The following HIPK2 variants were observed in gnomAD, a reference collection of about 807,000 sequenced individuals.
HIPK2 encodes the protein homeodomain interacting protein kinase 2, also known as homeodomain-interacting protein kinase 2.
In HIPK2, 27 loss-of-function variants were observed where a neutral mutation model predicts 113.7. The observed-to-expected ratio is 0.24, with a 90% confidence interval of 0.17 to 0.33. The LOEUF (loss-of-function observed/expected upper bound fraction) is 0.33, where lower values mean the gene tolerates loss of function less well. HIPK2 is among the 10% of genes least tolerant of loss of function. The pLI, the probability that HIPK2 is intolerant of heterozygous loss-of-function variation, is 1.00. For missense variants in HIPK2, 1,257 were observed against 1,588.0 expected, an observed-to-expected ratio of 0.79 and a Z score of 3.54; for synonymous variants, 631 against 642.2, an observed-to-expected ratio of 0.98 and a Z score of 0.26.
chr7:139,666,788 T>C (rs577651047), intron 2 of HIPK2, among the ~76,000 whole-genome samples: 1 of 152,244 alleles, frequency 6.6e-6, no homozygotes, highest in Admixed American at 6.5e-5. Context: ...TCTGGCTGGG[T>C]ACAGTGGCTC....
chr7:139,623,089 C>A (rs12539357), intron 6 of HIPK2, among the ~76,000 whole-genome samples: 25,675 of 152,092 alleles, frequency 0.17, 2,853 homozygotes, highest in African/African-American at 0.32. Context: ...TCAGTCATCC[C>A]ATTTTACCCG....
Position 139,701,500 on chromosome 7 carries a change from G to T in HIPK2, c.1103+14432C>A, listed in dbSNP as rs1478566413. 4.9e-4 allele frequency among the ~76,000 whole-genome samples: 74 copies of T among 151,990 alleles called. 5 individuals are homozygous for T. ...GTGGCAAAGTCATGTCGGAGAGGTG[G>T]TGAGACTTAGCCCAACTCACATAGC... is the stretch of plus-strand genomic sequence containing the variant. On this transcript the variant is annotated intron_variant, in intron 2 of 14. Transcript: ENST00000406875.
At chr7:139,598,833 A>C (rs909555921) in intron 11 of HIPK2, among the ~76,000 whole-genome samples, 1 of 152,242 alleles carries the variant, frequency 6.6e-6, no homozygotes, top group Non-Finnish European at 1.5e-5. Context: ...ATGACAGCCC[A>C]TGAGGATTGA....
intron 10 of HIPK2, among the ~76,000 whole-genome samples, chr7:139,601,938 T>C (rs934955812): frequency 2.0e-5 from 3 of 150,822 alleles, no homozygotes; most frequent in South Asian, 2.1e-4. Flanking sequence ...TAGAAACTCA[T>C]ATTATGGCTT....
At chr7:139,603,601 C>G (rs938712159) in intron 10 of HIPK2, among the ~76,000 whole-genome samples, 2 of 152,140 alleles carry the variant, frequency 1.3e-5, no homozygotes, top group African/African-American at 4.8e-5. Flanking sequence ...CAAATAAACC[C>G]CATTCTGTCA....
chr7:139,724,563 G>A (rs1795512789), intron 1 of HIPK2, among the ~76,000 whole-genome samples: 1 of 151,672 alleles, frequency 6.6e-6, no homozygotes, highest in South Asian at 2.1e-4. Flanking sequence ...TAAGTTTTAG[G>A]GTACATGTGC....
intron 13 of HIPK2, among the ~76,000 whole-genome samples, chr7:139,579,185 A>T (rs1798587254): frequency 6.6e-6 from 1 of 152,216 alleles, no homozygotes; most frequent in Non-Finnish European, 1.5e-5. Flanking sequence ...ACATTTGAGG[A>T]AGGTGCCCAA....
Position 139,562,358 on chromosome 7 carries a change from T to G in HIPK2, c.*10569A>C, listed in dbSNP as rs1251074484. The G allele has an allele frequency of 6.6e-6, 1 of 152,244 alleles. No individual in the cohort carries two copies. The highest frequency in any genetic ancestry group is 1.5e-5 in the Non-Finnish European group (1 of 68,042). The allele number at this position is 152,244 out of a possible 1,614,324, so 9.4% of individuals were successfully genotyped here. ...ACCCTGGGGAGGGAGCCACGTTCCT[T>G]GGACCTGGTGACTTAGTGTCGCCGG... On this transcript the variant is annotated 3_prime_UTR_variant, in exon 15 of 15. Coordinates refer to ENST00000406875, the MANE Select transcript of HIPK2 (RefSeq NM_022740.5).
At chr7:139,592,873 A>C (rs1799074624) in intron 12 of HIPK2, among the ~76,000 whole-genome samples, 2 of 152,264 alleles carry the variant, frequency 1.3e-5, no homozygotes, top group Admixed American at 1.3e-4. Context: ...CCATGACCAG[A>C]GTCCCCTAGT....
chr7:139,591,787 C>T (rs1201312847), intron 12 of HIPK2, among the ~76,000 whole-genome samples: 1 of 152,244 alleles, frequency 6.6e-6, no homozygotes, highest in Non-Finnish European at 1.5e-5. Flanking sequence ...AAAGTTCCTT[C>T]AAATGGCACT....
chr7:139,609,339 G>A (rs932081975), intron 9 of HIPK2, among the ~76,000 whole-genome samples: 1 of 152,132 alleles, frequency 6.6e-6, no homozygotes, highest in African/African-American at 2.4e-5. Context: ...CACATCCTCT[G>A]GGTGCCCCAC....
intron 2 of HIPK2, among the ~76,000 whole-genome samples, chr7:139,682,031 G>A (rs1264150126): frequency 6.6e-6 from 1 of 152,182 alleles, no homozygotes; most frequent in Non-Finnish European, 1.5e-5. Context: ...CTTATGTCAT[G>A]CTGGTACAGA....
intron 2 of HIPK2, among the ~76,000 whole-genome samples, chr7:139,643,771 G>A (rs574563497): frequency 2.6e-4 from 40 of 152,218 alleles, no homozygotes; most frequent in Non-Finnish European, 5.4e-4. Flanking sequence ...AATGAGGAAG[G>A]TTCCTAGAAG....
At chr7:139,701,452 C>T (rs1012526894) in intron 2 of HIPK2, among the ~76,000 whole-genome samples, 3 of 152,208 alleles carry the variant, frequency 2.0e-5, no homozygotes, top group Non-Finnish European at 4.4e-5. Context: ...TCACCTAGAA[C>T]GTCGGCTCTC....
chr7:139,573,769 A>T (rs1048203106), intron 14 of HIPK2, among the ~76,000 whole-genome samples: 21 of 151,506 alleles, frequency 1.4e-4, no homozygotes, highest in Non-Finnish European at 2.8e-4. Flanking sequence ...AATCACTTGA[A>T]CCTGGGAGGT....
chr7:139,625,708 C>T (rs1282320936), intron 6 of HIPK2, among the ~76,000 whole-genome samples: 1 of 152,206 alleles, frequency 6.6e-6, no homozygotes, highest in Non-Finnish European at 1.5e-5. Flanking sequence ...GGTATGCTCT[C>T]ATCACACCTG....
At chr7:139,738,271 G>T (rs1267649481) in intron 1 of HIPK2, among the ~76,000 whole-genome samples, 1 of 152,252 alleles carries the variant, frequency 6.6e-6, no homozygotes, top group Non-Finnish European at 1.5e-5. Context: ...TCTGTACCAT[G>T]TATGAGAGCG....
At chr7:139,733,593 T>C (rs1349282775) in intron 1 of HIPK2, among the ~76,000 whole-genome samples, 1 of 152,234 alleles carries the variant, frequency 6.6e-6, no homozygotes, top group Non-Finnish European at 1.5e-5. Flanking sequence ...TGTTTTACTT[T>C]CCAATACAGT....
rs1305575816 is a variant in HIPK2, at chr7:139,630,253, TA to T, written c.1347+911del. ...GCCCCCGGAGTTTCAGGTTTATGGT[TA>T]CTTGTGTGAACCAGACACCTCCCTG... On this transcript the variant is annotated intron_variant, in intron 4 of 14. Transcript: ENST00000406875. The surrounding 1 kb of genome is among the most constrained non-coding windows in gnomAD (Gnocchi z 4.0). 6.6e-6 allele frequency among the ~76,000 whole-genome samples: 1 copy of T among 152,160 alleles called. No individual in the cohort carries two copies. The highest frequency in any genetic ancestry group is 1.5e-5 in the Non-Finnish European group (1 of 68,020).
Sources: allele counts gnomAD v4.1 joint callset (sites outside exome capture counted in the v4.1 genomes callset), GRCh38; gene constraint gnomAD v4.1.1; non-coding constraint Gnocchi (gnomAD v3.1); transcripts MANE v1.5; gene names NCBI Gene and HGNC (gene_info 2026-07-23, HGNC 2026-07-21).